Variants in THSD4 observed in about 807,000 individuals in gnomAD.
THSD4 encodes thrombospondin type-1 domain-containing protein 4.
THSD4 carries 69 observed loss-of-function variants against 119.0 expected under a neutral mutation model. That is an observed-to-expected ratio of 0.58 (90% CI 0.48 to 0.71). The LOEUF (loss-of-function observed/expected upper bound fraction) is 0.71. Among genes scored for constraint, THSD4 ranks in the 30% least tolerant of loss-of-function variants. The pLI is 0.00. For synonymous variants in THSD4, 524 were observed against 540.4 expected (o/e 0.97, Z 0.42); for missense variants, 1,393 against 1,391.1 (o/e 1.00, Z -0.02).
chr15:71,183,226 C>T (rs2043553526), intron 3 of THSD4: 2 of 151,716 alleles, frequency 1.3e-5, no homozygotes, highest in African/African-American at 2.4e-5. Context: ...TCTGTAAAAC[C>T]ATCGGATCTT....
rs1269166482 is a variant in THSD4 at position 71,115,775 on chromosome 15, C to G, written c.-80+77C>G. 2 of 149,702 alleles carry G rather than the reference C, an allele frequency of 1.3e-5. No individual in the cohort carries two copies. Among genetic ancestry groups the G allele is most frequent in the Non-Finnish European group, 3.0e-5 (2 of 67,178 alleles). 9.3% of individuals were successfully genotyped at this position (149,702 alleles called of 1,614,324 possible). ...GACCCGGCTTCCGCTGCCCAGGCTCCGGCTCCCGCTCTCTGGCCGGCGGGG... is the reference window on the plus strand; with the variant it reads ...GACCCGGCTTCCGCTGCCCAGGCTCGGGCTCCCGCTCTCTGGCCGGCGGGG... On this transcript the variant is annotated intron_variant, in intron 1 of 17. Transcript: ENST00000261862. This position sits in a 1 kb window ranked among gnomAD's most constrained non-coding sequence, Gnocchi z 4.4.
At chr15:71,218,928 C>T (rs1380098006) in intron 4 of THSD4, among the ~76,000 whole-genome samples, 5 of 152,154 alleles carry the variant, frequency 3.3e-5, no homozygotes, top group African/African-American at 4.8e-5. Flanking sequence ...TTGTAAGGCC[C>T]TGGGACATAC....
intron 3 of THSD4, among the ~76,000 whole-genome samples, chr15:71,162,127 C>T (rs2043254660): frequency 6.6e-6 from 1 of 151,886 alleles, no homozygotes; most frequent in Admixed American, 6.6e-5. Flanking sequence ...CTTTTTTTGG[C>T]TTTAAACCTT....
chr15:71,282,599 T>A (rs1411658098), intron 6 of THSD4, among the ~76,000 whole-genome samples: 2 of 152,130 alleles, frequency 1.3e-5, no homozygotes, highest in Non-Finnish European at 2.9e-5. Flanking sequence ...CACCCACAGT[T>A]AACCCACACT....
intron 8 of THSD4, among the ~76,000 whole-genome samples, chr15:71,698,186 G>C (rs2052207132): frequency 1.3e-5 from 2 of 152,146 alleles, no homozygotes; most frequent in African/African-American, 4.8e-5. Context: ...AGATAAATAA[G>C]TACCATTCCC....
intron 8 of THSD4, among the ~76,000 whole-genome samples, chr15:71,680,911 T>C (rs2051761837): frequency 6.6e-6 from 1 of 150,876 alleles, no homozygotes; most frequent in Non-Finnish European, 1.5e-5. Context: ...ATGTCATTAC[T>C]AGTAATTTTT....
At chr15:71,299,854 G>A (rs2044919409) in intron 6 of THSD4, among the ~76,000 whole-genome samples, 5 of 151,274 alleles carry the variant, frequency 3.3e-5, no homozygotes, top group Admixed American at 3.3e-4. Flanking sequence ...GGCTGGACGT[G>A]ATAGCTCACA....
intron 6 of THSD4, among the ~76,000 whole-genome samples, chr15:71,398,383 G>A (rs958588615): frequency 6.6e-6 from 1 of 152,028 alleles, no homozygotes; most frequent in Non-Finnish European, 1.5e-5. Context: ...GGAAGGTTTG[G>A]GGAATAATAT....
chr15:71,753,431 T>C (rs1447497580), intron 14 of THSD4, among the ~76,000 whole-genome samples: 1 of 152,216 alleles, frequency 6.6e-6, no homozygotes, highest in African/African-American at 2.4e-5. Context: ...TTATAAGAAA[T>C]GATGCATAAA....
At chr15:71,695,221 A>G (rs918540611) in intron 8 of THSD4, among the ~76,000 whole-genome samples, 1 of 152,136 alleles carries the variant, frequency 6.6e-6, no homozygotes, top group African/African-American at 2.4e-5. Flanking sequence ...TTATAATTGT[A>G]TAACCCAAGT....
chr15:71,580,867 A>ATG lies in THSD4; in HGVS notation c.1153-79653_1153-79652dup, dbSNP rs1028357163. On this transcript the variant is annotated intron_variant, in intron 7 of 17. Transcript: ENST00000261862. ...ATAATATTCCATTATATACATATATATGTGTGTGTGTATATATCTACTTAT... is the reference window on the plus strand; with the variant it reads ...ATAATATTCCATTATATACATATATATGTGTGTGTGTGTATATATCTACTTAT... Among the ~76,000 whole-genome samples the ATG allele has an allele frequency of 5.3e-5, 8 of 152,218 alleles. No homozygotes were observed. In the East Asian group the frequency reaches 1.2e-3, roughly 22 times the overall value.
intron 6 of THSD4, among the ~76,000 whole-genome samples, chr15:71,277,889 G>A (rs766429630): frequency 2.6e-5 from 4 of 152,138 alleles, no homozygotes; most frequent in Non-Finnish European, 4.4e-5. Flanking sequence ...AGCTCCCTCT[G>A]GCCAAAGCAG....
chr15:71,259,047 A>G (rs766929520), intron 6 of THSD4, among the ~76,000 whole-genome samples: 7 of 151,964 alleles, frequency 4.6e-5, no homozygotes, highest in Non-Finnish European at 1.0e-4. Context: ...TGGGAAGCGG[A>G]GGTTGTGGTG....
At chr15:71,484,729 T>G (rs990003719) in intron 7 of THSD4, among the ~76,000 whole-genome samples, 1 of 152,194 alleles carries the variant, frequency 6.6e-6, no homozygotes, top group African/African-American at 2.4e-5. Context: ...CAGAGGAAAC[T>G]CAGAGACGTG....
chr15:71,217,027 C>T (rs1489912279), intron 4 of THSD4, among the ~76,000 whole-genome samples: 1 of 152,152 alleles, frequency 6.6e-6, no homozygotes, highest in Admixed American at 6.5e-5. Flanking sequence ...GAACTCCTGA[C>T]CTCAAGTGAT....
At chr15:71,199,190 G>A (rs2043746270) in intron 3 of THSD4, among the ~76,000 whole-genome samples, 1 of 152,130 alleles carries the variant, frequency 6.6e-6, no homozygotes, top group East Asian at 1.9e-4. Context: ...CCTTTGGACC[G>A]TTTCTTTTTG....
intron 7 of THSD4, among the ~76,000 whole-genome samples, chr15:71,611,786 T>C (rs374006382): frequency 1.3e-5 from 2 of 152,218 alleles, no homozygotes; most frequent in Non-Finnish European, 2.9e-5. Context: ...GCCTACAGCA[T>C]GGGTGAAAGC....
chr15:71,119,839 C>T (rs1367528503), intron 1 of THSD4, among the ~76,000 whole-genome samples: 1 of 152,206 alleles, frequency 6.6e-6, no homozygotes, highest in Non-Finnish European at 1.5e-5. Flanking sequence ...CTCTTTCATT[C>T]AACTGGCCTT....
intron 8 of THSD4, among the ~76,000 whole-genome samples, chr15:71,723,906 C>T (rs1489587753): frequency 6.6e-6 from 1 of 151,774 alleles, no homozygotes; most frequent in Admixed American, 6.6e-5. Context: ...CCCATCTCTA[C>T]AAAACATACA....
Sources: gnomAD v4.1 joint callset for allele counts (sites outside exome capture counted in the v4.1 genomes callset) on GRCh38, gnomAD v4.1.1 for gene constraint, Gnocchi (gnomAD v3.1) non-coding constraint, MANE v1.5 for transcripts, NCBI Gene and HGNC (gene_info 2026-07-23, HGNC 2026-07-21) for gene names.